The following CSMD1 variants were observed in gnomAD, a reference collection of about 807,000 sequenced individuals.
CSMD1 encodes CUB and sushi domain-containing protein 1.
Under a neutral mutation model 417.5 loss-of-function variants are expected in CSMD1, and 213 were observed. That is an observed-to-expected ratio of 0.51 (90% CI 0.46 to 0.57). The LOEUF is 0.57. Among genes scored for constraint, CSMD1 ranks in the 20% least tolerant of loss-of-function variants. The pLI, the probability that CSMD1 is intolerant of heterozygous loss-of-function variation, is 0.00. For missense variants in CSMD1, 6,923 were observed against 4,529.7 expected (o/e 1.53, Z -15.17); for synonymous variants, 2,862 against 1,736.8 (o/e 1.65, Z -16.11).
intron 41 of CSMD1, among the ~76,000 whole-genome samples, chr8:3,136,751 G>C (rs1359586226): frequency 6.6e-6 from 1 of 152,108 alleles, no homozygotes; most frequent in Admixed American, 6.5e-5. Flanking sequence ...GAAAGTAACT[G>C]TGAATCCCAC....
At chr8:4,289,887 A>G (rs974383371) in intron 3 of CSMD1, among the ~76,000 whole-genome samples, 1 of 152,238 alleles carries the variant, frequency 6.6e-6, no homozygotes, top group Non-Finnish European at 1.5e-5. Flanking sequence ...AAATGAAAAC[A>G]GGAATGAATC....
chr8:3,087,282 G>C lies in CSMD1; in HGVS notation c.7289C>G (p.Pro2430Arg), dbSNP rs563430491. 12 of 1,613,516 alleles carry C rather than the reference G, an allele frequency of 7.4e-6. No individual in the cohort carries two copies. The highest frequency in any genetic ancestry group is 1.0e-5 in the Non-Finnish European group (12 of 1,179,514). ...CAGGGGGTGGGTCAAACTGCAGTAAGGTGCTGTGGGCAGACAGACACACAC... is the reference window on the plus strand; with the variant it reads ...CAGGGGGTGGGTCAAACTGCAGTAACGTGCTGTGGGCAGACAGACACACAC... ...KKGFKIRYAA[P>R]YCSLTHPLKN... The change falls in exon 49 of 70, where the codon CCT becomes CGT. Residue 2430 changes from proline (P) to arginine (R), a missense_variant. Pro to Arg is a moderately radical substitution (Grantham distance 103, BLOSUM62 -2). Coordinates refer to ENST00000635120, the MANE Select transcript of CSMD1 (RefSeq NM_033225.6).
chr8:3,978,811 G>T (rs1057059331), intron 5 of CSMD1, among the ~76,000 whole-genome samples: 1 of 152,002 alleles, frequency 6.6e-6, no homozygotes, highest in African/African-American at 2.4e-5. Context: ...CGGAGACATC[G>T]GTGATTTACT....
chr8:3,432,573 G>T (rs768991273), intron 12 of CSMD1, among the ~76,000 whole-genome samples: 2 of 144,870 alleles, frequency 1.4e-5, no homozygotes, highest in Non-Finnish European at 3.0e-5. Flanking sequence ...GCAGTGGTGC[G>T]ATCTTGGCTC....
intron 1 of CSMD1, among the ~76,000 whole-genome samples, chr8:4,751,117 G>C (rs1458391920): frequency 2.0e-5 from 3 of 152,222 alleles, no homozygotes; most frequent in Non-Finnish European, 4.4e-5. Flanking sequence ...GGGAGCAGTG[G>C]CTCAGGCCTG....
At chr8:3,755,264 G>C (rs570539726) in intron 5 of CSMD1, among the ~76,000 whole-genome samples, 1 of 152,108 alleles carries the variant, frequency 6.6e-6, no homozygotes. Flanking sequence ...AACATAGGTG[G>C]ATCATGTTTA....
At chr8:3,990,939 C>T (rs1328601428) in intron 5 of CSMD1, among the ~76,000 whole-genome samples, 1 of 152,150 alleles carries the variant, frequency 6.6e-6, no homozygotes, top group Non-Finnish European at 1.5e-5. Context: ...GTGAAAGCAT[C>T]ATCTCTAGAT....
At chr8:4,206,241 A>T (rs921793649) in intron 3 of CSMD1, among the ~76,000 whole-genome samples, 7 of 152,118 alleles carry the variant, frequency 4.6e-5, no homozygotes, top group African/African-American at 1.2e-4. Flanking sequence ...CATGTGCACA[A>T]GGGGCAGGTT....
intron 2 of CSMD1, among the ~76,000 whole-genome samples, chr8:4,531,209 G>A (rs1796801767): frequency 6.6e-6 from 1 of 152,126 alleles, no homozygotes; most frequent in African/African-American, 2.4e-5. Context: ...ACGTACAGTT[G>A]TTTTGCCATT....
At chr8:4,569,306 G>C (rs1184612493) in intron 2 of CSMD1, among the ~76,000 whole-genome samples, 1 of 152,130 alleles carries the variant, frequency 6.6e-6, no homozygotes, top group Non-Finnish European at 1.5e-5. Context: ...AATCCATCTT[G>C]AGTTAATTTT....
chr8:4,084,988 G>T (rs1373276659), intron 3 of CSMD1, among the ~76,000 whole-genome samples: 9 of 151,768 alleles, frequency 5.9e-5, no homozygotes, highest in East Asian at 1.9e-4. Flanking sequence ...ACCACAGCAG[G>T]CGCGTGACAG....
chr8:4,351,913 A>G (rs991640483), intron 3 of CSMD1, among the ~76,000 whole-genome samples: 1 of 151,962 alleles, frequency 6.6e-6, no homozygotes, highest in Non-Finnish European at 1.5e-5. Flanking sequence ...CAAACTGTAG[A>G]AACACTGACA....
chr8:3,638,315 G>A (rs1000346898), intron 7 of CSMD1, among the ~76,000 whole-genome samples: 1 of 152,054 alleles, frequency 6.6e-6, no homozygotes, highest in African/African-American at 2.4e-5. Flanking sequence ...TTTACAGTCA[G>A]TTTTTCCAAA....
intron 2 of CSMD1, among the ~76,000 whole-genome samples, chr8:4,421,179 C>G (rs1396246789): frequency 6.6e-6 from 1 of 152,126 alleles, no homozygotes; most frequent in East Asian, 1.9e-4. Context: ...CTGCTTTGTA[C>G]TTTATGTGTT....
chr8:3,348,555 T>C (rs1808169776), intron 21 of CSMD1, among the ~76,000 whole-genome samples: 1 of 152,212 alleles, frequency 6.6e-6, no homozygotes, highest in African/African-American at 2.4e-5. Context: ...CACGCTCCCA[T>C]TCTACCATTG....
At chr8:4,030,557 C>A (rs1797290913) in intron 4 of CSMD1, among the ~76,000 whole-genome samples, 1 of 152,094 alleles carries the variant, frequency 6.6e-6, no homozygotes, top group African/African-American at 2.4e-5. Context: ...TTGGCCCGGC[C>A]CTCAAAACTA....
intron 10 of CSMD1, among the ~76,000 whole-genome samples, chr8:3,503,175 G>A (rs569249817): frequency 6.6e-6 from 1 of 152,080 alleles, no homozygotes; most frequent in African/African-American, 2.4e-5. Flanking sequence ...CTAGAAAAAA[G>A]TACTTTGAAC....
chr8:4,227,152 T>C (rs532296074), intron 3 of CSMD1, among the ~76,000 whole-genome samples: 3 of 152,098 alleles, frequency 2.0e-5, no homozygotes, highest in Admixed American at 6.5e-5. Flanking sequence ...CAGAAAGCAC[T>C]CAGGCTGCCT....
intron 3 of CSMD1, among the ~76,000 whole-genome samples, chr8:4,158,888 C>G (rs1796987493): frequency 6.6e-6 from 1 of 152,084 alleles, no homozygotes; most frequent in Non-Finnish European, 1.5e-5. Context: ...ACTACTGTTT[C>G]CAGCTGAAAA....
Sources: allele counts gnomAD v4.1 joint callset (sites outside exome capture counted in the v4.1 genomes callset), GRCh38; gene constraint gnomAD v4.1.1; transcripts MANE v1.5; gene names NCBI Gene and HGNC (gene_info 2026-07-23, HGNC 2026-07-21).